Variants in MEOX2 observed in about 807,000 individuals in gnomAD.
MEOX2 encodes the protein homeobox protein MOX-2.
Under a neutral mutation model 27.0 loss-of-function variants are expected in MEOX2, and 11 were observed. That is an observed-to-expected ratio of 0.41 (90% confidence interval 0.26 to 0.68). The LOEUF (loss-of-function observed/expected upper bound fraction) is 0.68, where lower values mean the gene tolerates loss of function less well. MEOX2 is among the 30% of genes least tolerant of loss of function. The pLI is 0.33. For missense variants in MEOX2, 436 were observed against 385.4 expected (o/e 1.13, Z -1.10); for synonymous variants, 189 against 155.4 (o/e 1.22, Z -1.61).
intron 2 of MEOX2, among the ~76,000 whole-genome samples, chr7:15,623,711 ATT>A (rs371573901): frequency 1.0e-3 from 158 of 152,366 alleles, no homozygotes; most frequent in African/African-American, 3.7e-3. Context: ...CAGATTCTTA[ATT>A]TAAGAAACTT....
Position 15,626,789 on chromosome 7 carries a change from C to T in MEOX2, c.647G>A (p.Arg216Lys), listed in dbSNP as rs1337968469. The T allele has an allele frequency of 6.2e-7, 1 of 1,608,528 alleles. No individual in the cohort carries two copies. Among genetic ancestry groups the T allele is most frequent in the African/African-American group, 1.4e-5 (1 of 73,516 alleles). Residue 216 changes from arginine (R) to lysine (K), a missense_variant, in exon 2 of 3, where the codon AGG becomes AAG. Physicochemically the swap from Arg to Lys is conservative, Grantham distance 26. Coordinates refer to ENST00000262041, the MANE Select transcript of MEOX2 (RefSeq NM_005924.5). ...CAGATTCACTGCTATCTCGTATCGCCTCAGTCTGGTGAGATAATTATGATG... is the reference window on the plus strand; with the variant it reads ...CAGATTCACTGCTATCTCGTATCGCTTCAGTCTGGTGAGATAATTATGATG... ...FAHHNYLTRL[R>K]RYEIAVNLDL...
chr7:15,656,178 T>C (rs1053595119), intron 1 of MEOX2, among the ~76,000 whole-genome samples: 1 of 151,830 alleles, frequency 6.6e-6, no homozygotes, highest in Non-Finnish European at 1.5e-5. Context: ...CTTCTTTTGA[T>C]TAAAGTTTGC....
chr7:15,645,945 A>G (rs1003478128), intron 1 of MEOX2, among the ~76,000 whole-genome samples: 11 of 152,148 alleles, frequency 7.2e-5, no homozygotes, highest in African/African-American at 2.7e-4. Flanking sequence ...CTTCTCTTTA[A>G]GTACAGGATC....
At chr7:15,629,122 T>G (rs1781360339) in intron 1 of MEOX2, among the ~76,000 whole-genome samples, 1 of 152,114 alleles carries the variant, frequency 6.6e-6, no homozygotes, top group Non-Finnish European at 1.5e-5. Context: ...CATTCCCTTA[T>G]GTAAGCATGA....
chr7:15,636,155 A>G (rs1461841523), intron 1 of MEOX2, among the ~76,000 whole-genome samples: 1 of 151,980 alleles, frequency 6.6e-6, no homozygotes, highest in African/African-American at 2.4e-5. Flanking sequence ...CCAAGATAAG[A>G]AGTATTTACT....
chr7:15,612,773 G>A (rs912817292), intron 2 of MEOX2, among the ~76,000 whole-genome samples, 162 bp from the exon 3 acceptor site: 1 of 152,226 alleles, frequency 6.6e-6, no homozygotes, highest in East Asian at 1.9e-4. Flanking sequence ...ATTTAATCAG[G>A]TTACATGTTC....
chr7:15,650,291 C>A (rs905321750), intron 1 of MEOX2, among the ~76,000 whole-genome samples: 1 of 152,062 alleles, frequency 6.6e-6, no homozygotes, highest in African/African-American at 2.4e-5. Flanking sequence ...TTTCTCCATA[C>A]CCCATAACTT....
intron 1 of MEOX2, among the ~76,000 whole-genome samples, chr7:15,682,404 T>G (rs932149144): frequency 6.6e-6 from 1 of 151,824 alleles, no homozygotes; most frequent in East Asian, 1.9e-4. Flanking sequence ...TCATTCTGCA[T>G]AGTCAAGCAT....
intron 1 of MEOX2, among the ~76,000 whole-genome samples, chr7:15,667,378 T>C (rs1028739020): frequency 6.0e-5 from 9 of 151,232 alleles, no homozygotes; most frequent in Non-Finnish European, 1.0e-4. Flanking sequence ...TCCCTGGATT[T>C]CTCTGAATAT....
chr7:15,636,240 C>T (rs1341358057), intron 1 of MEOX2, among the ~76,000 whole-genome samples: 1 of 151,748 alleles, frequency 6.6e-6, no homozygotes, highest in East Asian at 1.9e-4. Flanking sequence ...TTATGAGTTT[C>T]TTCATATAGA....
chr7:15,666,102 G>A (rs950825996), intron 1 of MEOX2, among the ~76,000 whole-genome samples: 1 of 152,092 alleles, frequency 6.6e-6, no homozygotes, highest in Non-Finnish European at 1.5e-5. Flanking sequence ...GGAAATAAAG[G>A]AAGAAATGCC....
At chr7:15,664,894 T>C (rs1781975267) in intron 1 of MEOX2, among the ~76,000 whole-genome samples, 1 of 152,210 alleles carries the variant, frequency 6.6e-6, no homozygotes. Flanking sequence ...CATTTCCACT[T>C]ATTAAATACT....
intron 1 of MEOX2, among the ~76,000 whole-genome samples, chr7:15,672,139 T>C (rs1196289813): frequency 5.9e-5 from 9 of 152,104 alleles, no homozygotes; most frequent in Admixed American, 5.9e-4. Flanking sequence ...ATTGAAAAAT[T>C]TGAAATTAAT....
At chr7:15,652,108 G>T (rs1334511584) in intron 1 of MEOX2, among the ~76,000 whole-genome samples, 1 of 151,922 alleles carries the variant, frequency 6.6e-6, no homozygotes, top group African/African-American at 2.4e-5. Context: ...AGACTCAATT[G>T]CTTTGAACCT....
chr7:15,635,822 C>A (rs1247001428), intron 1 of MEOX2, among the ~76,000 whole-genome samples: 2 of 151,900 alleles, frequency 1.3e-5, no homozygotes, highest in African/African-American at 4.8e-5. Context: ...GGCTAATGTA[C>A]AAACGAAGCT....
intron 1 of MEOX2, among the ~76,000 whole-genome samples, chr7:15,672,457 T>C (rs906526179): frequency 6.6e-6 from 1 of 152,232 alleles, no homozygotes; most frequent in Non-Finnish European, 1.5e-5. Flanking sequence ...CTTAAAAATA[T>C]AGACATCTTA....
chr7:15,643,997 G>C (rs1395015392), intron 1 of MEOX2, among the ~76,000 whole-genome samples: 1 of 152,160 alleles, frequency 6.6e-6, no homozygotes, highest in African/African-American at 2.4e-5. Flanking sequence ...AGGCAGTCTT[G>C]GTTGCAGGGG....
intron 1 of MEOX2, among the ~76,000 whole-genome samples, chr7:15,645,131 G>C (rs1315585377): frequency 6.6e-6 from 1 of 152,182 alleles, no homozygotes; most frequent in East Asian, 1.9e-4. Flanking sequence ...AGTATTGAAA[G>C]TGATATTCTA....
intron 1 of MEOX2, among the ~76,000 whole-genome samples, chr7:15,673,768 T>C (rs926197874): frequency 6.6e-6 from 1 of 152,248 alleles, no homozygotes; most frequent in Admixed American, 6.5e-5. Flanking sequence ...TAGTAAGGCA[T>C]AACATGTCAC....
Sources: allele counts gnomAD v4.1 joint callset (sites outside exome capture counted in the v4.1 genomes callset), GRCh38; gene constraint gnomAD v4.1.1; transcripts MANE v1.5; gene names NCBI Gene and HGNC (gene_info 2026-07-23, HGNC 2026-07-21).